RCC2: variants seen among roughly 807,000 people sequenced by gnomAD.
RCC2 encodes regulator of chromosome condensation 2.
RCC2 carries 19 observed loss-of-function variants against 64.1 expected under a neutral mutation model. That is an observed-to-expected ratio of 0.30 (90% CI 0.21 to 0.44). RCC2 has a LOEUF of 0.44. Among genes scored for constraint, RCC2 ranks in the 20% least tolerant of loss-of-function variants. RCC2 has a pLI of 1.00. For missense variants in RCC2, 508 were observed against 710.4 expected (o/e 0.72, Z 3.24); for synonymous variants, 325 against 279.6 (o/e 1.16, Z -1.62).
chr1:17,438,597 G>T, intron 1 of RCC2, 75 bp from the exon 2 acceptor site: 5 of 1,240,706 alleles, frequency 4.0e-6, no homozygotes, highest in Non-Finnish European at 5.1e-6. Context: ...GCGGAGACGA[G>T]CCACCCGGCC....
At position 17,417,358 on chromosome 1, in the gene RCC2, C is replaced by G. The variant is rs75884799; in HGVS notation, c.860-712G>C. Among the ~76,000 whole-genome samples the G allele has an allele frequency of 5.0e-3, 763 of 152,308 alleles. 19 individuals are homozygous for G. The East Asian group carries it at 0.093, about 19-fold the overall frequency. On this transcript the variant is annotated intron_variant, in intron 7 of 12. Transcript: ENST00000375436. The stretch of plus-strand genomic sequence containing the variant: ...AAGTAGTTTATAGTTTTAAACTGCT[C>G]CTGTTCCCACACTGTGATCATCAGT...
intron 12 of RCC2, among the ~76,000 whole-genome samples, chr1:17,409,528 G>A (rs1206422816): frequency 6.6e-6 from 1 of 152,150 alleles, no homozygotes; most frequent in African/African-American, 2.4e-5. Context: ...TGGGTGAGGT[G>A]CACCACCCCT....
rs2100349737 is a variant in RCC2, at chr1:17,410,061, C to G, written c.1387-10G>C. On this transcript the variant is annotated splice_polypyrimidine_tract_variant and intron_variant, in intron 11 of 12. Coordinates refer to ENST00000375436, the MANE Select transcript of RCC2 (RefSeq NM_018715.4). ...TGTGGTCCCCGTAGCCCTGGCGAAG[C>G]AAACAAGATGTTCGCAATCGAGGAT... The G allele has an allele frequency of 6.2e-7, 1 of 1,613,306 alleles. No homozygotes were observed. The highest frequency in any genetic ancestry group is 1.1e-5 in the South Asian group (1 of 91,062).
At chr1:17,417,543 C>T (rs1163162058) in intron 7 of RCC2, among the ~76,000 whole-genome samples, 1 of 152,058 alleles carries the variant, frequency 6.6e-6, no homozygotes, top group East Asian at 1.9e-4. Context: ...ATTAGCTGGG[C>T]GTGGTGGTGG....
rs569263753 is a variant in RCC2 at position 17,409,927 on chromosome 1, A to C, written c.1464+47T>G. The C allele has an allele frequency of 2.0e-5, 29 of 1,483,198 alleles. No homozygotes were observed. In the Middle Eastern group the frequency reaches 5.2e-4, roughly 26 times the overall value. The allele number at this position is 1,483,198 out of a possible 1,614,324, so 91.9% of individuals were successfully genotyped here. On this transcript the variant is annotated intron_variant, in intron 12 of 12. Transcript: ENST00000375436. ...TCAAAATCATGAGGAGTGACATACC[A>C]CTGGGTACGGACACGTCCCCGAGCT...
intron 1 of RCC2, among the ~76,000 whole-genome samples, chr1:17,438,890 G>C (rs2075774626): frequency 6.6e-6 from 1 of 152,202 alleles, no homozygotes; most frequent in Non-Finnish European, 1.5e-5. Context: ...TTTCATTAAA[G>C]AAGGCTTCGG....
At position 17,408,804 on chromosome 1, in the gene RCC2, CCT is replaced by C. The variant is rs1327739803; in HGVS notation, c.*284_*285del. 3.2e-6 allele frequency: 1 copy of C among 317,088 alleles called. No individual in the cohort carries two copies. Among genetic ancestry groups the C allele is most frequent in the Admixed American group, 4.6e-5 (1 of 21,530 alleles). 19.6% of individuals were successfully genotyped at this position (317,088 alleles called of 1,614,324 possible). ...AGAAAAAACTTAAAAAAAAAAAAAA[CCT>C]AGATTGCTCAAAGTTTCTGCCTCTT... is the stretch of plus-strand genomic sequence containing the variant. On this transcript the variant is annotated 3_prime_UTR_variant, in exon 13 of 13. Coordinates refer to ENST00000375436, the MANE Select transcript of RCC2 (RefSeq NM_018715.4).
rs557980213 is a variant in RCC2 at position 17,409,231 on chromosome 1, G to T, written c.1465-37C>A. 4.5e-6 allele frequency: 6 copies of T among 1,327,846 alleles called. No homozygotes were observed. In the East Asian group the frequency reaches 1.1e-4, roughly 25 times the overall value. 82.3% of individuals were successfully genotyped at this position (1,327,846 alleles called of 1,614,324 possible). A position where few individuals can be genotyped will look rare whatever the true frequency, so the allele number is the denominator to read the frequency against. ...AATCAGCGTTGGGTGTGCCTGAGGC[G>T]CCTGGACTAATCAATGCGTTGAAGA... On this transcript the variant is annotated intron_variant, in intron 12 of 12. Transcript: ENST00000375436.
intron 8 of RCC2, among the ~76,000 whole-genome samples, chr1:17,415,935 G>C (rs1471982489): frequency 6.6e-6 from 1 of 151,812 alleles, no homozygotes. Context: ...GGGGCATGGT[G>C]GCGCATGCCT....
chr1:17,416,917 T>C (rs527785110), intron 7 of RCC2, among the ~76,000 whole-genome samples: 4 of 152,332 alleles, frequency 2.6e-5, no homozygotes, highest in African/African-American at 7.2e-5. Context: ...CACATAATAA[T>C]GGCACCATGT....
At chr1:17,423,971 G>T (rs2075585489) in intron 4 of RCC2, among the ~76,000 whole-genome samples, 2 of 152,236 alleles carry the variant, frequency 1.3e-5, no homozygotes, top group African/African-American at 4.8e-5. Context: ...AGAACGGCGG[G>T]CTGAAGGGCC....
chr1:17,412,771 TATA>T (rs2075441132), intron 10 of RCC2, among the ~76,000 whole-genome samples: 1 of 152,220 alleles, frequency 6.6e-6, no homozygotes, highest in South Asian at 2.1e-4. Context: ...TCCAACTACG[TATA>T]ATTTTCAACC....
At chr1:17,422,601 C>T in intron 5 of RCC2, 104 bp downstream of exon 5, 1 of 1,452,002 alleles carries the variant, frequency 6.9e-7, no homozygotes, top group South Asian at 1.3e-5. Context: ...CTGATCCTGA[C>T]CAAGAGTCAC....
At chr1:17,410,146 A>G in intron 11 of RCC2, 95 bp from the exon 12 acceptor site, 2 of 1,110,712 alleles carry the variant, frequency 1.8e-6, no homozygotes, top group Non-Finnish European at 2.7e-6. Context: ...CCCACTAACC[A>G]GAAGCCAGTG....
Position 17,417,555 on chromosome 1 carries a change from T to C in RCC2, c.860-909A>G, listed in dbSNP as rs190886531. ...AAGATTAGCTGGGCGTGGTGGTGGG[T>C]GCCTATAGTCCAGCTACTTGGGAAG... On this transcript the variant is annotated intron_variant, in intron 7 of 12. Transcript: ENST00000375436. 7.6e-4 allele frequency among the ~76,000 whole-genome samples: 116 copies of C among 152,162 alleles called. 1 individual carries two copies. Among genetic ancestry groups the C allele is most frequent in the African/African-American group, 2.7e-3 (112 of 41,518 alleles).
At chr1:17,422,614 G>A (rs1442612843) in intron 5 of RCC2, 91 bp downstream of exon 5, 2 of 1,504,526 alleles carry the variant, frequency 1.3e-6, no homozygotes, top group Non-Finnish European at 1.8e-6. Context: ...AGAGTCACAA[G>A]GGGAACTCCA....
chr1:17,438,684 G>A (rs746324838), intron 1 of RCC2, 162 bp from the exon 2 acceptor site: 4 of 645,932 alleles, frequency 6.2e-6, no homozygotes, highest in Non-Finnish European at 8.7e-6. Context: ...AGAGGAAATC[G>A]CGCCCCTCCC....
chr1:17,434,875 G>A (rs2075719830), intron 2 of RCC2, among the ~76,000 whole-genome samples: 1 of 152,250 alleles, frequency 6.6e-6, no homozygotes, highest in South Asian at 2.1e-4. Flanking sequence ...CACTTTGGGA[G>A]GCGGGCAAAT....
At chr1:17,413,958 C>T in intron 8 of RCC2, among the ~76,000 whole-genome samples, 2 of 152,286 alleles carry the variant, frequency 1.3e-5, no homozygotes, top group East Asian at 3.9e-4. Context: ...TGGTGAAACC[C>T]TGTCTCCAAA....
Sources: gnomAD v4.1 joint callset for allele counts (sites outside exome capture counted in the v4.1 genomes callset) on GRCh38, gnomAD v4.1.1 for gene constraint, MANE v1.5 for transcripts, NCBI Gene and HGNC (gene_info 2026-07-23, HGNC 2026-07-21) for gene names.